The following MAGI2 variants were observed in gnomAD, a reference collection of about 807,000 sequenced individuals.
The protein encoded by MAGI2 is membrane-associated guanylate kinase, WW and PDZ domain-containing protein 2.
Under a neutral mutation model 133.3 loss-of-function variants are expected in MAGI2, and 35 were observed. The observed-to-expected ratio is 0.26, with a 90% CI of 0.20 to 0.35. MAGI2 has a LOEUF of 0.35. Among genes scored for constraint, MAGI2 ranks in the 10% least tolerant of loss-of-function variants. MAGI2 has a pLI of 1.00. For synonymous variants in MAGI2, 729 were observed against 710.6 expected (o/e 1.03, Z -0.41); for missense variants, 1,636 against 1,863.4 (o/e 0.88, Z 2.25).
intron 16 of MAGI2, among the ~76,000 whole-genome samples, chr7:78,153,969 A>G (rs1824138366): frequency 6.6e-6 from 1 of 152,204 alleles, no homozygotes; most frequent in South Asian, 2.1e-4. Flanking sequence ...GCAAGAGTAG[A>G]GAGACCTTGG....
chr7:79,039,855 TTATA>T (rs901795545), intron 1 of MAGI2, among the ~76,000 whole-genome samples: 1 of 142,910 alleles, frequency 7.0e-6, no homozygotes, highest in Non-Finnish European at 1.5e-5. Flanking sequence ...TACATATATA[TTATA>T]TATATATAAT....
At chr7:78,381,204 G>T (rs901291776) in intron 6 of MAGI2, among the ~76,000 whole-genome samples, 2 of 152,060 alleles carry the variant, frequency 1.3e-5, no homozygotes, top group African/African-American at 4.8e-5. Context: ...AAAATTAGCT[G>T]GCCGTTGTGG....
At chr7:78,328,332 C>T (rs1005081982) in intron 9 of MAGI2, among the ~76,000 whole-genome samples, 1 of 152,024 alleles carries the variant, frequency 6.6e-6, no homozygotes, top group African/African-American at 2.4e-5. Flanking sequence ...TTTGAGATTA[C>T]ATCTGTCACC....
chr7:78,274,771 G>C (rs1794901012), intron 9 of MAGI2, among the ~76,000 whole-genome samples: 1 of 152,132 alleles, frequency 6.6e-6, no homozygotes, highest in African/African-American at 2.4e-5. Flanking sequence ...AGCTTTAGCA[G>C]TGGTGGATGC....
intron 2 of MAGI2, among the ~76,000 whole-genome samples, chr7:78,830,839 G>C (rs1055170074): frequency 1.3e-5 from 2 of 152,038 alleles, no homozygotes; most frequent in Non-Finnish European, 2.9e-5. Flanking sequence ...GCTAGCCTTG[G>C]GCTATGGAAA....
chr7:78,422,698 G>T (rs1005398578), intron 6 of MAGI2, among the ~76,000 whole-genome samples: 3 of 152,100 alleles, frequency 2.0e-5, no homozygotes, highest in Non-Finnish European at 4.4e-5. Flanking sequence ...AGAGGGAGTA[G>T]AAATAAGATT....
At chr7:78,490,986 A>G (rs966013232) in intron 5 of MAGI2, among the ~76,000 whole-genome samples, 5 of 152,122 alleles carry the variant, frequency 3.3e-5, no homozygotes, top group African/African-American at 1.2e-4. Flanking sequence ...AATCAGAGCC[A>G]GGTAATAGGC....
At chr7:78,527,960 A>T (rs553701633) in intron 3 of MAGI2, among the ~76,000 whole-genome samples, 2 of 151,236 alleles carry the variant, frequency 1.3e-5, no homozygotes, top group South Asian at 4.2e-4. Flanking sequence ...TAAGGTCATG[A>T]CTTCTATTCC....
At chr7:78,382,241 C>A (rs1794990620) in intron 6 of MAGI2, among the ~76,000 whole-genome samples, 1 of 151,884 alleles carries the variant, frequency 6.6e-6, no homozygotes, top group Non-Finnish European at 1.5e-5. Flanking sequence ...AAAGAAACTA[C>A]TTAACTATAA....
chr7:78,078,315 G>A (rs993193119), intron 21 of MAGI2: 2 of 153,550 alleles, frequency 1.3e-5, no homozygotes, highest in Non-Finnish European at 2.9e-5. Flanking sequence ...TCTATAATGG[G>A]CTGCTGGGAA....
intron 10 of MAGI2, among the ~76,000 whole-genome samples, chr7:78,210,891 A>C (rs1262435513): frequency 2.0e-5 from 3 of 152,224 alleles, no homozygotes; most frequent in African/African-American, 7.2e-5. Context: ...ACAAAGGCAG[A>C]AATCAGATTG....
intron 2 of MAGI2, among the ~76,000 whole-genome samples, chr7:78,747,568 G>A (rs902114688): frequency 1.3e-5 from 2 of 152,050 alleles, no homozygotes; most frequent in Admixed American, 6.5e-5. Flanking sequence ...ATCTAATTTT[G>A]TGCTGGTAAA....
At chr7:78,871,732 G>GA (rs1017607984) in intron 2 of MAGI2, among the ~76,000 whole-genome samples, 1 of 151,356 alleles carries the variant, frequency 6.6e-6, no homozygotes, top group Admixed American at 6.6e-5. Flanking sequence ...ACCGTTGATG[G>GA]AAAAAAAAGA....
chr7:78,681,463 AACT>A (rs1815652093), intron 2 of MAGI2, among the ~76,000 whole-genome samples: 2 of 152,288 alleles, frequency 1.3e-5, no homozygotes, highest in Non-Finnish European at 2.9e-5. Context: ...ATTTAGATAA[AACT>A]AATAAACTCA....
In MAGI2 at chr7:78,868,469, A is replaced by C. The variant is rs529056286; in HGVS notation, c.418+138621T>G. Among the ~76,000 whole-genome samples, 8 of 152,312 alleles carry C rather than the reference A, an allele frequency of 5.3e-5. No homozygotes were observed. In the East Asian group the frequency reaches 1.5e-3, roughly 29 times the overall value. On this transcript the variant is annotated intron_variant, in intron 2 of 21. Transcript: ENST00000354212. ...CTCTACCTGTAACCATTACGTTATC[A>C]TGTCCCCCAAAGGCAAAAGAAAAAT...
intron 1 of MAGI2, among the ~76,000 whole-genome samples, chr7:79,427,378 TA>T (rs1359621418): frequency 2.6e-5 from 4 of 151,484 alleles, no homozygotes; most frequent in Non-Finnish European, 4.4e-5. Context: ...AAAGTAAAAT[TA>T]AAAAATTAAT....
intron 1 of MAGI2, among the ~76,000 whole-genome samples, chr7:79,083,192 C>T (rs867979709): frequency 3.6e-4 from 55 of 151,342 alleles, no homozygotes; most frequent in African/African-American, 1.3e-3. Flanking sequence ...CTTAAATGCT[C>T]TTGCTGGGCT....
At chr7:78,287,875 G>T (rs1796306838) in intron 9 of MAGI2, among the ~76,000 whole-genome samples, 2 of 152,148 alleles carry the variant, frequency 1.3e-5, no homozygotes, top group South Asian at 4.1e-4. Context: ...AATAGATTCA[G>T]CAGGAAAAAA....
At chr7:79,042,941 T>C (rs1039597619) in intron 1 of MAGI2, among the ~76,000 whole-genome samples, 1 of 151,948 alleles carries the variant, frequency 6.6e-6, no homozygotes, top group Non-Finnish European at 1.5e-5. Context: ...CCCTCAAAAC[T>C]ATACAATCAT....
Sources: gnomAD v4.1 joint callset for allele counts (sites outside exome capture counted in the v4.1 genomes callset) on GRCh38, gnomAD v4.1.1 for gene constraint, MANE v1.5 for transcripts, NCBI Gene and HGNC (gene_info 2026-07-23, HGNC 2026-07-21) for gene names.